SLC51B: variants seen among roughly 807,000 people sequenced by gnomAD.
The protein encoded by SLC51B is organic solute transporter subunit beta.
Under a neutral mutation model 8.0 loss-of-function variants are expected in SLC51B, and 6 were observed. The ratio of observed to expected loss-of-function variants is 0.75; its 90% confidence interval spans 0.41 to 1.48. SLC51B has a LOEUF of 1.48. Ranked by LOEUF, SLC51B falls within the 40% of genes most tolerant of loss-of-function variation. The pLI is 0.01. For missense variants in SLC51B, 150 were observed against 149.7 expected, an observed-to-expected ratio of 1.00 and a Z score of -0.01; for synonymous variants, 61 against 54.8, an observed-to-expected ratio of 1.11 and a Z score of -0.50.
chr15:65,051,689 ACTTAGGGG>A (rs2086655280), intron 3 of SLC51B, 84 bp downstream of exon 3: 2 of 1,342,560 alleles, frequency 1.5e-6, no homozygotes, highest in Middle Eastern at 1.8e-4. Flanking sequence ...GAGAGGGGTC[ACTTAGGGG>A]TCATTGCTGT....
intron 2 of SLC51B, 73 bp downstream of exon 2, chr15:65,050,174 C>T (rs2086631048): frequency 8.2e-7 from 1 of 1,226,984 alleles, no homozygotes; most frequent in African/African-American, 1.5e-5. Flanking sequence ...GCTGAAGGTC[C>T]TGACACTGTC....
At chr15:65,048,732 G>C (rs1426351375) in intron 1 of SLC51B, among the ~76,000 whole-genome samples, 1 of 152,228 alleles carries the variant, frequency 6.6e-6, no homozygotes, top group African/African-American at 2.4e-5. Context: ...TATTGGGTCA[G>C]GCGCGGTGGC....
At chr15:65,052,087 G>A (rs2086661212) in intron 3 of SLC51B, among the ~76,000 whole-genome samples, 1 of 152,222 alleles carries the variant, frequency 6.6e-6, no homozygotes, top group Non-Finnish European at 1.5e-5. Context: ...ACAGACACAT[G>A]GGAGTTATTA....
Position 65,049,976 on chromosome 15 carries a change from T to A in SLC51B, c.-29T>A, listed in dbSNP as rs779482884. 30 of 1,539,028 alleles carry A rather than the reference T, an allele frequency of 1.9e-5. No homozygotes were observed. Among genetic ancestry groups the A allele is most frequent in the Non-Finnish European group, 2.2e-5 (25 of 1,138,080 alleles). On this transcript the variant is annotated 5_prime_UTR_variant, in exon 2 of 4. Coordinates refer to ENST00000334287, the MANE Select transcript of SLC51B (RefSeq NM_178859.4). ...GCTGGGGCTAAGGGGTCTAAGGACC[T>A]CGTTGCACACGCTACCAGGAGCAGG...
intron 2 of SLC51B, among the ~76,000 whole-genome samples, chr15:65,050,833 C>CTT (rs67418433): frequency 0.33 from 29,106 of 87,506 alleles, 5,615 homozygotes; most frequent in South Asian, 0.44. Context: ...TCTTCTTCTT[C>CTT]TTCTTTTTTT....
At position 65,053,354 on chromosome 15, in the gene SLC51B, A is replaced by T; in HGVS notation, c.*190A>T. On this transcript the variant is annotated 3_prime_UTR_variant, in exon 4 of 4. Coordinates refer to ENST00000334287, the MANE Select transcript of SLC51B (RefSeq NM_178859.4). ...AACTAAAATTCTGTTATTAAAAAAAATCTTTTATTAAAATGCTCCTGGAAG... is the reference window on the plus strand; with the variant it reads ...AACTAAAATTCTGTTATTAAAAAAATTCTTTTATTAAAATGCTCCTGGAAG... The T allele has an allele frequency of 1.4e-6, 2 of 1,412,636 alleles. No homozygotes were observed. Among genetic ancestry groups the T allele is most frequent in the Non-Finnish European group, 1.8e-6 (2 of 1,090,916 alleles). The allele number at this position is 1,412,636 out of a possible 1,614,324, so 87.5% of individuals were successfully genotyped here. A position where few individuals can be genotyped will look rare whatever the true frequency, so the allele number is the denominator to read the frequency against.
chr15:65,051,559 G>T lies in SLC51B; in HGVS notation c.142G>T (p.Val48Phe). The change falls in exon 3 of 4, where the codon GTC becomes TTC. Residue 48 changes from valine to phenylalanine, a missense_variant. Val to Phe is a conservative substitution (Grantham distance 50, BLOSUM62 -1). Transcript: ENST00000334287. ...HSILALAAVV[V>F]IISMVLLGRS... is the part of the protein sequence containing the mutation. Reference sequence around the variant, plus strand: ...CATCCTTGCCCTGGCAGCTGTGGTGGTCATTATAAGCATGGTCCTCCTGGG... The same window carrying T: ...CATCCTTGCCCTGGCAGCTGTGGTGTTCATTATAAGCATGGTCCTCCTGGG... The T allele has an allele frequency of 6.2e-7, 1 of 1,613,792 alleles. No homozygotes were observed. The highest frequency in any genetic ancestry group is 8.5e-7 in the Non-Finnish European group (1 of 1,179,846).
intron 2 of SLC51B, 34 bp downstream of exon 2, chr15:65,050,135 G>T (rs956226856): frequency 6.6e-7 from 1 of 1,519,522 alleles, no homozygotes; most frequent in African/African-American, 1.4e-5. Context: ...AGGGGTGGGG[G>T]TGTGCCCCTC....
rs369300436 is a variant in SLC51B, at chr15:65,051,561, C to G, written c.144C>G (p.Val48=). The change falls in exon 3 of 4, where the codon GTC becomes GTG. Residue 48 remains valine, a synonymous_variant. Coordinates refer to ENST00000334287, the MANE Select transcript of SLC51B (RefSeq NM_178859.4). The part of the protein sequence containing the change: ...HSILALAAVV[V]IISMVLLGRS... ...TCCTTGCCCTGGCAGCTGTGGTGGT[C>G]ATTATAAGCATGGTCCTCCTGGGAA... The G allele has an allele frequency of 1.4e-5, 23 of 1,613,582 alleles. No individual in the cohort carries two copies. Among genetic ancestry groups the G allele is most frequent in the Non-Finnish European group, 1.7e-5 (20 of 1,179,822 alleles).
intron 1 of SLC51B, 66 bp from the exon 2 acceptor site, chr15:65,049,809 CTTTGGGCCAGAGGAGATCTGGA>C (rs1478490757): frequency 2.5e-6 from 1 of 403,092 alleles, no homozygotes; most frequent in East Asian, 4.2e-5. Flanking sequence ...TGTCCCATAA[CTTTGGGCCAGAGGAGATCTGGA>C]TTTGGGCACA....
In SLC51B at chr15:65,048,095, C is replaced by T. The variant is rs181963561; in HGVS notation, c.-108-1802C>T. On this transcript the variant is annotated intron_variant, in intron 1 of 3. Transcript: ENST00000334287. The stretch of plus-strand genomic sequence containing the variant: ...GGGAGGCAGAGGCACAAACGAGAAC[C>T]GCTTGGACCCAGGAGGCATAGGTTG... 1.3e-3 allele frequency among the ~76,000 whole-genome samples: 204 copies of T among 151,994 alleles called. 1 individual carries two copies. The highest frequency in any genetic ancestry group is 4.6e-3 in the East Asian group (24 of 5,174).
chr15:65,050,400 TCTCTG>T (rs1409947591), intron 2 of SLC51B, among the ~76,000 whole-genome samples: 4 of 152,092 alleles, frequency 2.6e-5, no homozygotes, highest in African/African-American at 9.7e-5. Context: ...AACACAAAAA[TCTCTG>T]CCTTCATGGA....
chr15:65,050,873 G>T (rs1209200805), intron 2 of SLC51B, among the ~76,000 whole-genome samples: 1 of 138,876 alleles, frequency 7.2e-6, no homozygotes, highest in Admixed American at 7.6e-5. Context: ...TTGAGGCAGG[G>T]TCACTCTGTT....
At chr15:65,046,722 G>A (rs958394748) in intron 1 of SLC51B, among the ~76,000 whole-genome samples, 7 of 152,116 alleles carry the variant, frequency 4.6e-5, no homozygotes, top group African/African-American at 1.7e-4. Flanking sequence ...AGGCTGGCCT[G>A]GGCAAGATGA....
chr15:65,050,808 TC>T (rs1482880307), intron 2 of SLC51B, among the ~76,000 whole-genome samples: 1 of 148,516 alleles, frequency 6.7e-6, no homozygotes, highest in Non-Finnish European at 1.5e-5. Context: ...CTTCTTTCTT[TC>T]CTTTTTTTTT....
intron 1 of SLC51B, among the ~76,000 whole-genome samples, chr15:65,046,571 T>G (rs2086580273): frequency 6.6e-6 from 1 of 152,160 alleles, no homozygotes; most frequent in Non-Finnish European, 1.5e-5. Flanking sequence ...GTCATTTTGG[T>G]TTTTTGTTGG....
chr15:65,047,104 C>T (rs1350423163), intron 1 of SLC51B, among the ~76,000 whole-genome samples: 1 of 151,864 alleles, frequency 6.6e-6, no homozygotes, highest in Non-Finnish European at 1.5e-5. Flanking sequence ...CACCTGTAAT[C>T]CCAGCACTTT....
chr15:65,049,829 G>T, intron 1 of SLC51B, 68 bp from the exon 2 acceptor site: 1 of 490,488 alleles, frequency 2.0e-6, no homozygotes, highest in Non-Finnish European at 3.6e-6. Context: ...GAGGAGATCT[G>T]GATTTGGGCA....
In SLC51B at chr15:65,046,640, C is replaced by T. The variant is rs113209345; in HGVS notation, c.-109+1058C>T. 5.9e-3 allele frequency among the ~76,000 whole-genome samples: 897 copies of T among 152,202 alleles called. 6 individuals carry two copies. Among genetic ancestry groups the T allele is most frequent in the African/African-American group, 0.019 (769 of 41,534 alleles). ...ATTTTAAACATATTTTGGCCAGGCGCGGTGGCTCATGCCTGTAATCCCAGC... is the reference window on the plus strand; with the variant it reads ...ATTTTAAACATATTTTGGCCAGGCGTGGTGGCTCATGCCTGTAATCCCAGC... On this transcript the variant is annotated intron_variant, in intron 1 of 3. Coordinates refer to ENST00000334287, the MANE Select transcript of SLC51B (RefSeq NM_178859.4).
Sources: gnomAD v4.1 joint callset for allele counts (sites outside exome capture counted in the v4.1 genomes callset) on GRCh38, gnomAD v4.1.1 for gene constraint, MANE v1.5 for transcripts, NCBI Gene and HGNC (gene_info 2026-07-23, HGNC 2026-07-21) for gene names.